Variants in UNC93A observed in about 807,000 individuals in gnomAD.
The protein encoded by UNC93A is unc-93 homolog A, also known as N-acetylglucosamine transporter UNC93A.
UNC93A carries 43 observed loss-of-function variants against 47.5 expected under a neutral mutation model. That is an observed-to-expected ratio of 0.91 (90% confidence interval 0.71 to 1.17). UNC93A has a LOEUF of 1.17. Ranked by LOEUF, UNC93A falls within the 50% of genes most tolerant of loss-of-function variation. UNC93A has a pLI of 0.00. For synonymous variants in UNC93A, 280 were observed against 258.0 expected (o/e 1.09, Z -0.82); for missense variants, 605 against 577.6 (o/e 1.05, Z -0.49).
rs746982648 is a variant in UNC93A, at chr6:167,307,892, T to C, written c.1090T>C (p.Trp364Arg). The C allele has an allele frequency of 6.2e-7, 1 of 1,613,742 alleles. No homozygotes were observed. Among genetic ancestry groups the C allele is most frequent in the Non-Finnish European group, 8.5e-7 (1 of 1,179,832 alleles). Residue 364 changes from tryptophan to arginine, a missense_variant, in exon 7 of 8, where the codon TGG becomes CGG. Transcript: ENST00000230256. ...SGLWGVADAVWQTQNNALYGV... is the reference protein window; with the variant it reads ...SGLWGVADAVRQTQNNALYGV... Reference sequence around the variant, plus strand: ...CCTGTGGGGCGTGGCAGATGCCGTCTGGCAGACACAAAACAATGGTGAGTC... The same window carrying C: ...CCTGTGGGGCGTGGCAGATGCCGTCCGGCAGACACAAAACAATGGTGAGTC...
intron 4 of UNC93A, among the ~76,000 whole-genome samples, chr6:167,298,562 T>A (rs564278018): frequency 4.6e-5 from 7 of 151,884 alleles, no homozygotes; most frequent in African/African-American, 1.7e-4. Context: ...CTGAGTACCT[T>A]CTGTGGAAAG....
intron 4 of UNC93A, among the ~76,000 whole-genome samples, chr6:167,301,130 G>T (rs935002035): frequency 1.3e-5 from 2 of 152,256 alleles, no homozygotes. Context: ...CCCTGCTCTA[G>T]AGGAACAGCA....
At chr6:167,308,176 T>C (rs919326033) in intron 7 of UNC93A, among the ~76,000 whole-genome samples, 4 of 152,314 alleles carry the variant, frequency 2.6e-5, no homozygotes, top group African/African-American at 9.6e-5. Context: ...TTTGCTTAAG[T>C]CAAGTCGCCC....
intron 7 of UNC93A, among the ~76,000 whole-genome samples, chr6:167,308,939 G>T (rs545229037): frequency 6.6e-6 from 1 of 152,244 alleles, no homozygotes; most frequent in South Asian, 2.1e-4. Context: ...AGAATAGGGT[G>T]GCCTGGCCAG....
chr6:167,292,460 G>A lies in UNC93A; in HGVS notation c.87+884G>A, dbSNP rs567995951. On this transcript the variant is annotated intron_variant, in intron 1 of 7. Transcript: ENST00000230256. ...AGAATCCGAGGTTTCTCCTCTCACT[G>A]TTGTTGTGCAAACACTTGGGACTCC... Among the ~76,000 whole-genome samples the A allele has an allele frequency of 2.0e-5, 3 of 152,296 alleles. No individual in the cohort carries two copies. In the East Asian group the frequency reaches 5.8e-4, roughly 29 times the overall value.
chr6:167,294,518 G>A lies in UNC93A; in HGVS notation c.89G>A (p.Ser30Asn). 6.2e-7 allele frequency: 1 copy of A among 1,613,902 alleles called. No homozygotes were observed. Among genetic ancestry groups the A allele is most frequent in the Non-Finnish European group, 8.5e-7 (1 of 1,179,954 alleles). Residue 30 changes from serine (S) to asparagine (N), a missense_variant and splice_region_variant, in exon 2 of 8, where the codon AGC (serine) becomes AAC (asparagine). Transcript: ENST00000230256. The stretch of plus-strand genomic sequence containing the variant: ...ACAGGGCTGGCTTTGTTCCCACAGA[G>A]CAGCCTGTACAGCGAGGAGGGCCTG... ...TAYGGLQSLQSSLYSEEGLGV... is the reference protein window; with the variant it reads ...TAYGGLQSLQNSLYSEEGLGV...
chr6:167,295,533 C>T (rs1445371738), intron 2 of UNC93A, among the ~76,000 whole-genome samples: 5 of 99,224 alleles, frequency 5.0e-5, no homozygotes, highest in East Asian at 7.1e-4. Flanking sequence ...TCGCCTGCCT[C>T]GTGCTCCTCG....
At chr6:167,276,002 C>T (rs73790144) in intron 1 of UNC93A, among the ~76,000 whole-genome samples, 7,169 of 152,000 alleles carry the variant, frequency 0.047, 548 homozygotes, top group African/African-American at 0.16. Context: ...CTACCATTTC[C>T]AGCCTCTAGT....
chr6:167,290,612 A>G (rs1364323992), upstream of UNC93A, among the ~76,000 whole-genome samples: 2 of 152,202 alleles, frequency 1.3e-5, no homozygotes, highest in Admixed American at 1.3e-4. Context: ...GTTAAATTTT[A>G]ATTGTAATTA....
At chr6:167,284,518 C>A (rs1783688190) in intron 1 of UNC93A, among the ~76,000 whole-genome samples, 2 of 152,410 alleles carry the variant, frequency 1.3e-5, no homozygotes, top group South Asian at 4.1e-4. Flanking sequence ...GAAGGCCAGG[C>A]ATGCCCATCC....
At chr6:167,311,985 G>T (rs1189288275) in intron 7 of UNC93A, among the ~76,000 whole-genome samples, 2 of 145,308 alleles carry the variant, frequency 1.4e-5, no homozygotes, top group Non-Finnish European at 3.0e-5. Context: ...TCCCACGAGG[G>T]TTCTTTTTTC....
chr6:167,295,075 C>A (rs1157239734), intron 2 of UNC93A, among the ~76,000 whole-genome samples: 1 of 152,166 alleles, frequency 6.6e-6, no homozygotes, highest in East Asian at 1.9e-4. Context: ...CACCAATGGA[C>A]CGAAAGCTGC....
At chr6:167,292,649 C>T (rs371254360) in intron 1 of UNC93A, among the ~76,000 whole-genome samples, 2 of 152,304 alleles carry the variant, frequency 1.3e-5, no homozygotes, top group African/African-American at 2.4e-5. Flanking sequence ...TCTTTTCTTG[C>T]CGCAATGGTT....
chr6:167,309,634 T>C (rs1778503027), intron 7 of UNC93A, among the ~76,000 whole-genome samples: 1 of 152,156 alleles, frequency 6.6e-6, no homozygotes, highest in African/African-American at 2.4e-5. Flanking sequence ...CCAATGTTTC[T>C]GAGATGACAG....
At chr6:167,290,687 T>A (rs1446398699), upstream of UNC93A, among the ~76,000 whole-genome samples, 1 of 152,160 alleles carries the variant, frequency 6.6e-6, no homozygotes, top group Non-Finnish European at 1.5e-5. Context: ...CAGAACTCAA[T>A]AGTCACATGT....
intron 6 of UNC93A, among the ~76,000 whole-genome samples, chr6:167,306,635 G>A (rs146344237): frequency 1.0e-3 from 158 of 152,354 alleles, no homozygotes; most frequent in Non-Finnish European, 1.8e-3. Context: ...GTGTGGGGGC[G>A]CAGCCAGAGG....
rs1019806752 is a variant in UNC93A at position 167,308,019 on chromosome 6, G to A, written c.1108+109G>A. 117 of 1,466,102 alleles carry A rather than the reference G, an allele frequency of 8.0e-5. No individual in the cohort carries two copies. In the African/African-American group the frequency reaches 1.5e-3, roughly 19 times the overall value. The allele number at this position is 1,466,102 out of a possible 1,614,324, so 90.8% of individuals were successfully genotyped here. ...AATGGGCCAGAGCCAAGAGAGATGA[G>A]TTGGGAGAGACGGGAGGGCCAAGAG... is the stretch of plus-strand genomic sequence containing the variant. On this transcript the variant is annotated intron_variant, in intron 7 of 7. Coordinates refer to ENST00000230256, the MANE Select transcript of UNC93A (RefSeq NM_018974.4).
chr6:167,294,510 C>T lies in UNC93A; in HGVS notation c.88-7C>T. 2 of 1,613,774 alleles carry T rather than the reference C, an allele frequency of 1.2e-6. No homozygotes were observed. The highest frequency in any genetic ancestry group is 2.2e-5 in the East Asian group (1 of 44,868). ...GTGCTCTGACAGGGCTGGCTTTGTT[C>T]CCACAGAGCAGCCTGTACAGCGAGG... On this transcript the variant is annotated splice_polypyrimidine_tract_variant and splice_region_variant and intron_variant, in intron 1 of 7. Coordinates refer to ENST00000230256, the MANE Select transcript of UNC93A (RefSeq NM_018974.4).
chr6:167,295,900 A>C, intron 2 of UNC93A, 132 bp from the exon 3 acceptor site: 1 of 748,640 alleles, frequency 1.3e-6, no homozygotes, highest in Non-Finnish European at 2.2e-6. Flanking sequence ...CCAACCAGCA[A>C]CACTCATCAC....
Sources: gnomAD v4.1 joint callset for allele counts (sites outside exome capture counted in the v4.1 genomes callset) on GRCh38, gnomAD v4.1.1 for gene constraint, MANE v1.5 for transcripts, NCBI Gene and HGNC (gene_info 2026-07-23, HGNC 2026-07-21) for gene names.